Variants in DNAH7 observed in about 807,000 individuals in gnomAD.
DNAH7 encodes axonemal beta dynein heavy chain 7.
Under a neutral mutation model 444.6 loss-of-function variants are expected in DNAH7, and 397 were observed. The ratio of observed to expected loss-of-function variants is 0.89; its 90% CI spans 0.82 to 0.97. The LOEUF (loss-of-function observed/expected upper bound fraction) is 0.97. Ranked by LOEUF, DNAH7 falls within the 50% of genes least tolerant of loss-of-function variation. The probability of loss-of-function intolerance (pLI) is 0.00; values close to 1 mark genes in which losing one functional copy is unlikely to be tolerated. For missense variants in DNAH7, 4,902 were observed against 4,800.8 expected (o/e 1.02, Z -0.62); for synonymous variants, 1,636 against 1,624.4 (o/e 1.01, Z -0.17).
intron 36 of DNAH7, among the ~76,000 whole-genome samples, chr2:195,878,630 T>C (rs1325363844): frequency 5.3e-5 from 8 of 152,028 alleles, no homozygotes. Flanking sequence ...AAAATAAGAA[T>C]GCAACACATA....
chr2:195,914,198 T>C (rs1687530985), intron 24 of DNAH7, among the ~76,000 whole-genome samples: 1 of 152,250 alleles, frequency 6.6e-6, no homozygotes, highest in Non-Finnish European at 1.5e-5. Flanking sequence ...CTGAAAAATG[T>C]TTAAATACAG....
Position 195,858,781 on chromosome 2 carries a change from C to G in DNAH7, c.7760G>C (p.Arg2587Thr). 1 of 1,608,120 alleles carries G rather than the reference C, an allele frequency of 6.2e-7. No homozygotes were observed. Among genetic ancestry groups the G allele is most frequent in the Non-Finnish European group, 8.5e-7 (1 of 1,177,322 alleles). Residue 2587 changes from arginine (R) to threonine (T), a missense_variant, in exon 43 of 65, where the codon AGA becomes ACA. Coordinates refer to ENST00000312428, the MANE Select transcript of DNAH7 (RefSeq NM_018897.3). ...KRSEVMKMKK[R>T]YEVGLEKLDS... The stretch of plus-strand genomic sequence containing the variant: ...CAGTTTCTCCAAACCCACTTCATAT[C>G]TCTTTTTCATTTTCATTACTTCACT...
intron 47 of DNAH7, among the ~76,000 whole-genome samples, chr2:195,841,454 C>A (rs926415922): frequency 6.6e-6 from 1 of 151,872 alleles, no homozygotes; most frequent in Non-Finnish European, 1.5e-5. Flanking sequence ...AAGATTTGGG[C>A]TTCCATAGAA....
At chr2:196,007,546 T>A (rs1006275410) in intron 10 of DNAH7, among the ~76,000 whole-genome samples, 3 of 152,172 alleles carry the variant, frequency 2.0e-5, no homozygotes, top group African/African-American at 7.2e-5. Flanking sequence ...TGATATGGTT[T>A]GGCTGTGTCT....
chr2:196,064,714 C>G (rs1004562817), intron 1 of DNAH7, among the ~76,000 whole-genome samples: 2 of 152,186 alleles, frequency 1.3e-5, no homozygotes, highest in African/African-American at 4.8e-5. Flanking sequence ...CCTTCTGCAA[C>G]ATGCTTTTTA....
intron 22 of DNAH7, among the ~76,000 whole-genome samples, chr2:195,925,282 A>T (rs958095293): frequency 5.3e-5 from 8 of 152,156 alleles, no homozygotes; most frequent in African/African-American, 1.9e-4. Flanking sequence ...GTTCAACCAC[A>T]AGCAGGGAGA....
intron 19 of DNAH7, among the ~76,000 whole-genome samples, chr2:195,948,742 T>C (rs1019768523): frequency 6.6e-6 from 1 of 152,214 alleles, no homozygotes; most frequent in African/African-American, 2.4e-5. Flanking sequence ...TCTTGCTTTG[T>C]TCTTTTTGCT....
chr2:195,810,654 C>T (rs186011831), intron 51 of DNAH7, among the ~76,000 whole-genome samples: 19 of 150,080 alleles, frequency 1.3e-4, no homozygotes, highest in Non-Finnish European at 2.1e-4. Context: ...CTTTTCCTTA[C>T]GTGCCTATTT....
Position 195,818,938 on chromosome 2 carries a change from T to C in DNAH7, c.9292-1109A>G, listed in dbSNP as rs759254907. Among the ~76,000 whole-genome samples, 9 of 152,284 alleles carry C rather than the reference T, an allele frequency of 5.9e-5. No individual in the cohort carries two copies. In the Middle Eastern group the frequency reaches 0.01, roughly 174 times the overall value. ...TATCACCAATCTTTTTAATTTTTAA[T>C]TTTTATGGATACATAACAGTTGTAT... On this transcript the variant is annotated intron_variant, in intron 49 of 64. Transcript: ENST00000312428.
At chr2:196,022,426 T>C (rs1184745989) in intron 8 of DNAH7, among the ~76,000 whole-genome samples, 1 of 152,248 alleles carries the variant, frequency 6.6e-6, no homozygotes, top group Non-Finnish European at 1.5e-5. Context: ...TGATGCTGCC[T>C]TATCAACTAA....
chr2:195,759,588 G>T (rs148047620), intron 61 of DNAH7, among the ~76,000 whole-genome samples: 124 of 152,028 alleles, frequency 8.2e-4, no homozygotes, highest in Middle Eastern at 3.4e-3. Flanking sequence ...GCACCAAGAG[G>T]TCTCCTAGGG....
chr2:195,750,198 CT>C, intron 63 of DNAH7, among the ~76,000 whole-genome samples: 1 of 152,080 alleles, frequency 6.6e-6, no homozygotes. Context: ...AATACTTCAC[CT>C]TCTTTTATAA....
At chr2:195,819,662 T>C (rs1574491406) in intron 49 of DNAH7, among the ~76,000 whole-genome samples, 1 of 152,038 alleles carries the variant, frequency 6.6e-6, no homozygotes, top group South Asian at 2.1e-4. Context: ...AGTGGACAGC[T>C]TGCAATGCTA....
At chr2:196,025,535 T>C (rs182099021) in intron 7 of DNAH7, among the ~76,000 whole-genome samples, 1 of 152,246 alleles carries the variant, frequency 6.6e-6, no homozygotes, top group East Asian at 1.9e-4. Context: ...GGGCGTCTGC[T>C]ATCATTCACA....
At position 195,972,456 on chromosome 2, in the gene DNAH7, T is replaced by C. The variant is rs939696334; in HGVS notation, c.1844A>G (p.Gln615Arg). 7 of 1,613,800 alleles carry C rather than the reference T, an allele frequency of 4.3e-6. No individual in the cohort carries two copies. Among genetic ancestry groups the C allele is most frequent in the Non-Finnish European group, 5.9e-6 (7 of 1,179,862 alleles). The change falls in exon 16 of 65, where the codon CAG becomes CGG. Residue 615 changes from glutamine to arginine, a missense_variant. Physicochemically the swap from Gln to Arg is conservative, Grantham distance 43. Transcript: ENST00000312428. ...AATCATATCAGTTACCTCCACTTTC[T>C]GAATGTAAGCCTGAGGGAAAACAAA... ...AELMEMKAYI[Q>R]KVEVTDMIEL...
At chr2:196,001,017 G>A in intron 11 of DNAH7, 134 bp from the exon 12 acceptor site, 1 of 619,562 alleles carries the variant, frequency 1.6e-6, no homozygotes, top group Non-Finnish European at 2.5e-6. Flanking sequence ...CCAAGGAGGA[G>A]CTCTAATAAA....
In DNAH7 at chr2:195,835,862, A is replaced by C. The variant is rs1006505451; in HGVS notation, c.8946-1502T>G. On this transcript the variant is annotated intron_variant, in intron 47 of 64. Coordinates refer to ENST00000312428, the MANE Select transcript of DNAH7 (RefSeq NM_018897.3). The stretch of plus-strand genomic sequence containing the variant: ...TGTCTCAAACAAAACAAACAAAAAA[A>C]CAAACAAAAATGTAGCTTAGATAAA... Among the ~76,000 whole-genome samples, 4 of 152,182 alleles carry C rather than the reference A, an allele frequency of 2.6e-5. No individual in the cohort carries two copies. In the South Asian group the frequency reaches 6.2e-4, roughly 24 times the overall value.
At chr2:196,065,944 C>T (rs1698405969) in intron 1 of DNAH7, among the ~76,000 whole-genome samples, 1 of 152,154 alleles carries the variant, frequency 6.6e-6, no homozygotes, top group African/African-American at 2.4e-5. Context: ...TTAACCTTAC[C>T]AACACCTCTA....
chr2:195,869,684 A>G (rs577125001), intron 40 of DNAH7, among the ~76,000 whole-genome samples: 1 of 152,118 alleles, frequency 6.6e-6, no homozygotes, highest in South Asian at 2.1e-4. Context: ...GCAGAAGAGA[A>G]TAGCCAGGAG....
Sources: allele counts gnomAD v4.1 joint callset (sites outside exome capture counted in the v4.1 genomes callset), GRCh38; gene constraint gnomAD v4.1.1; transcripts MANE v1.5; gene names NCBI Gene and HGNC (gene_info 2026-07-23, HGNC 2026-07-21).